Variants in KIR3DL1 observed in about 807,000 individuals in gnomAD.
KIR3DL1 encodes killer cell immunoglobulin like receptor, three Ig domains and long cytoplasmic tail 1, also known as killer cell immunoglobulin-like receptor 3DL1.
In KIR3DL1, 50 loss-of-function variants were observed where a neutral mutation model predicts 40.3. The observed-to-expected ratio is 1.24, with a 90% CI of 0.99 to 1.57. The LOEUF (loss-of-function observed/expected upper bound fraction) is 1.57, where lower values mean the gene tolerates loss of function less well. Ranked by LOEUF, KIR3DL1 falls within the 40% of genes most tolerant of loss-of-function variation. KIR3DL1 has a pLI of 0.00. For missense variants in KIR3DL1, 661 were observed against 559.9 expected, an observed-to-expected ratio of 1.18 and a Z score of -1.82; for synonymous variants, 257 against 207.2, an observed-to-expected ratio of 1.24 and a Z score of -2.07.
Position 54,829,472 on chromosome 19 carries a change from C to A in KIR3DL1, c.1105+7C>A, listed in dbSNP as rs1362470940. The A allele has an allele frequency of 6.8e-7, 1 of 1,461,620 alleles. No homozygotes were observed. The highest frequency in any genetic ancestry group is 9.3e-7 in the Non-Finnish European group (1 of 1,076,364). The allele number at this position is 1,461,620 out of a possible 1,614,324, so 90.5% of individuals were successfully genotyped here. On this transcript the variant is annotated splice_region_variant and intron_variant, in intron 7 of 8. Transcript: ENST00000391728. ...TGGTGCTCCAACAAAAAAAGTAAGT[C>A]TCACGGGGCACAGGCCAGAGAGCTC...
intron 6 of KIR3DL1, among the ~76,000 whole-genome samples, chr19:54,826,097 AAGATATTC>A (rs1400128237): frequency 6.6e-6 from 1 of 150,912 alleles, no homozygotes; most frequent in Non-Finnish European, 1.5e-5. Context: ...CATGTAAAAT[AAGATATTC>A]ACAAGCTATG....
At chr19:54,827,981 G>C (rs1421298020) in intron 6 of KIR3DL1, among the ~76,000 whole-genome samples, 1 of 150,350 alleles carries the variant, frequency 6.7e-6, no homozygotes, top group African/African-American at 2.5e-5. Context: ...AGTGAGTCCA[G>C]ATCTTGGAAT....
exon 9 of KIR3DL1, chr19:54,830,176 T>G: frequency 6.6e-7 from 1 of 1,524,144 alleles, no homozygotes. Flanking sequence ...GAAAAATCAC[T>G]CGCCCTTCTC....
chr19:54,820,707 C>A (rs2148103214), intron 4 of KIR3DL1, among the ~76,000 whole-genome samples: 1 of 150,962 alleles, frequency 6.6e-6, no homozygotes, highest in Admixed American at 6.6e-5. Context: ...GATTCACAGA[C>A]ACATAAAAAG....
intron 1 of KIR3DL1, 121 bp from the exon 2 acceptor site, chr19:54,817,413 G>T: frequency 1.2e-6 from 1 of 839,318 alleles, no homozygotes; most frequent in East Asian, 3.1e-5. Flanking sequence ...GGTAGGCAGC[G>T]AGGGTGAGTT....
intron 4 of KIR3DL1, among the ~76,000 whole-genome samples, chr19:54,820,913 T>C (rs956305175): frequency 6.6e-6 from 1 of 150,898 alleles, no homozygotes; most frequent in Non-Finnish European, 1.5e-5. Context: ...GATAGATGGA[T>C]AGATAGACGT....
Position 54,821,738 on chromosome 19 carries a change from C to A in KIR3DL1, c.829C>A (p.Gln277Lys), listed in dbSNP as rs201694260. 4,730 of 1,608,582 alleles carry A rather than the reference C, an allele frequency of 2.9e-3. 249 individuals carry two copies. The Admixed American group carries it at 0.059, about 20-fold the overall frequency. The stretch of plus-strand genomic sequence containing the variant: ...AGTGCGCAAGGTCAACAGAACATTC[C>A]AGGCAGATTTCCCTCTGGGCCCTGC... Residue 277 changes from glutamine to lysine, a missense_variant, in exon 5 of 9, where the codon CAG becomes AAG. Transcript: ENST00000391728.
At chr19:54,817,183 C>T (rs1193803648) in intron 1 of KIR3DL1, among the ~76,000 whole-genome samples, 4 of 144,318 alleles carry the variant, frequency 2.8e-5, no homozygotes, top group African/African-American at 5.2e-5. Context: ...GAGATATGAG[C>T]CTGGAGTGGA....
chr19:54,817,755 A>C (rs2061423692), intron 2 of KIR3DL1, among the ~76,000 whole-genome samples, 186 bp downstream of exon 2: 1 of 147,310 alleles, frequency 6.8e-6, no homozygotes, highest in Non-Finnish European at 1.5e-5. Flanking sequence ...AGCTCTGTGA[A>C]GACTGGGGTG....
rs1198342995 is a variant in KIR3DL1 at position 54,816,626 on chromosome 19, C to T, written c.34+92C>T. On this transcript the variant is annotated intron_variant, in intron 1 of 8. Transcript: ENST00000391728. ...ATGGGCCTAGAGGTGGAGTTATGGG[C>T]CTAGAGGTGGAGTTATGGGCCTGAA... 1.7e-5 allele frequency: 26 copies of T among 1,500,788 alleles called. 3 individuals carry two copies. In the Middle Eastern group the frequency reaches 1.1e-3, roughly 61 times the overall value. The allele number at this position is 1,500,788 out of a possible 1,614,324, so 93.0% of individuals were successfully genotyped here. A position where few individuals can be genotyped will look rare whatever the true frequency, so the allele number is the denominator to read the frequency against.
At chr19:54,826,385 G>C (rs1440149541) in intron 6 of KIR3DL1, among the ~76,000 whole-genome samples, 1 of 149,444 alleles carries the variant, frequency 6.7e-6, no homozygotes, top group Non-Finnish European at 1.5e-5. Context: ...CACGATCTTG[G>C]CTCACTGCAA....
chr19:54,828,094 C>G (rs368676245), intron 6 of KIR3DL1, among the ~76,000 whole-genome samples: 1 of 150,708 alleles, frequency 6.6e-6, no homozygotes, highest in African/African-American at 2.5e-5. Flanking sequence ...GGTCCTTCCC[C>G]CAGCCTCTGA....
chr19:54,817,635 G>A (rs2061417905), intron 2 of KIR3DL1, 66 bp downstream of exon 2: 3 of 1,334,976 alleles, frequency 2.2e-6, no homozygotes, highest in East Asian at 2.8e-5. Flanking sequence ...GAAATGGGAG[G>A]GAAGTCCTGT....
intron 2 of KIR3DL1, 40 bp from the exon 3 acceptor site, chr19:54,818,275 C>T: frequency 1.3e-6 from 2 of 1,572,304 alleles, no homozygotes; most frequent in African/African-American, 2.9e-5. Context: ...GGGGCGGCTC[C>T]ACATCCTCCT....
intron 4 of KIR3DL1, among the ~76,000 whole-genome samples, chr19:54,820,648 A>G (rs1461517071): frequency 2.0e-5 from 3 of 151,364 alleles, no homozygotes; most frequent in Non-Finnish European, 2.9e-5. Flanking sequence ...GACACCAAAA[A>G]GCAAAGACAT....
At chr19:54,816,878 T>G in intron 1 of KIR3DL1, among the ~76,000 whole-genome samples, 1 of 109,240 alleles carries the variant, frequency 9.2e-6, no homozygotes, top group Admixed American at 1.0e-4. Flanking sequence ...GCGATGGGCC[T>G]GGAGTGGAGA....
At chr19:54,828,493 A>G (rs1322477254) in intron 6 of KIR3DL1, among the ~76,000 whole-genome samples, 3 of 150,962 alleles carry the variant, frequency 2.0e-5, no homozygotes, top group African/African-American at 2.5e-5. Flanking sequence ...ACAGAAGCCT[A>G]CATTTCAATG....
At position 54,830,463 on chromosome 19, in the gene KIR3DL1, C is replaced by A. The variant is rs766779457; in HGVS notation, c.*188C>A. 114 of 738,796 alleles carry A rather than the reference C, an allele frequency of 1.5e-4. 16 individuals carry two copies. Among genetic ancestry groups the A allele is most frequent in the Non-Finnish European group, 2.3e-4 (105 of 462,276 alleles). 45.8% of individuals were successfully genotyped at this position (738,796 alleles called of 1,614,324 possible). ...CTTACAAATGTCTAGGTCCCCACTG[C>A]CTGCTGGAAAGAAAACACACTCCTT... On this transcript the variant is annotated 3_prime_UTR_variant, in exon 9 of 9. Coordinates refer to ENST00000391728, the Ensembl canonical transcript of KIR3DL1.
chr19:54,827,501 C>A (rs2061965522), intron 6 of KIR3DL1, among the ~76,000 whole-genome samples: 1 of 150,462 alleles, frequency 6.6e-6, no homozygotes, highest in South Asian at 2.1e-4. Flanking sequence ...AATCCCAGCT[C>A]CTGCTCTGGA....
Sources: gnomAD v4.1 joint callset for allele counts (sites outside exome capture counted in the v4.1 genomes callset) on GRCh38, gnomAD v4.1.1 for gene constraint, MANE v1.5 for transcripts, NCBI Gene and HGNC (gene_info 2026-07-23, HGNC 2026-07-21) for gene names.